The following SRGAP2 variants were observed in gnomAD, a reference collection of about 807,000 sequenced individuals.
SRGAP2 encodes SLIT-ROBO Rho GTPase-activating protein 2.
In SRGAP2, 15 loss-of-function variants were observed where a neutral mutation model predicts 57.2. The ratio of observed to expected loss-of-function variants is 0.26; its 90% CI spans 0.18 to 0.40. The LOEUF is 0.40. Among genes scored for constraint, SRGAP2 ranks in the 10% least tolerant of loss-of-function variants. The pLI, the probability that SRGAP2 is intolerant of heterozygous loss-of-function variation, is 1.00. For missense variants in SRGAP2, 520 were observed against 669.6 expected (o/e 0.78, Z 2.47); for synonymous variants, 249 against 248.0 (o/e 1.00, Z -0.04).
At chr1:206,253,419 T>A (rs1553311471) in intron 2 of SRGAP2, among the ~76,000 whole-genome samples, 1 of 151,486 alleles carries the variant, frequency 6.6e-6, no homozygotes, top group African/African-American at 2.4e-5. Flanking sequence ...CCTTCTGCCA[T>A]GGGATGATGC....
intron 14 of SRGAP2, among the ~76,000 whole-genome samples, chr1:206,435,582 C>G (rs1021192680): frequency 6.6e-6 from 1 of 152,142 alleles, no homozygotes; most frequent in Non-Finnish European, 1.5e-5. Context: ...TCAGACTGAC[C>G]AATGTGGTTC....
intron 2 of SRGAP2, among the ~76,000 whole-genome samples, chr1:206,265,607 G>A (rs1669796353): frequency 1.0e-5 from 1 of 95,826 alleles, no homozygotes; most frequent in Non-Finnish European, 2.1e-5. Flanking sequence ...CTTGGTGATA[G>A]GAATCACCAA....
chr1:206,362,918 A>G (rs1422226588), intron 4 of SRGAP2, among the ~76,000 whole-genome samples: 2 of 152,128 alleles, frequency 1.3e-5, no homozygotes, highest in South Asian at 2.1e-4. Flanking sequence ...CTGATATTGA[A>G]TACAGTGTCT....
intron 4 of SRGAP2, among the ~76,000 whole-genome samples, chr1:206,372,909 TTC>T (rs1364971024): frequency 3.4e-4 from 2 of 5,966 alleles, no homozygotes; most frequent in African/African-American, 5.1e-3. Context: ...CTTTCTTTCT[TTC>T]TTTCTTTCTT....
chr1:206,342,070 G>T (rs1414280210), intron 3 of SRGAP2, among the ~76,000 whole-genome samples: 4 of 152,108 alleles, frequency 2.6e-5, no homozygotes, highest in Admixed American at 2.6e-4. Context: ...TTTTAGGAAC[G>T]CATGTTCAGG....
At chr1:206,364,240 G>A (rs1177274407) in intron 4 of SRGAP2, among the ~76,000 whole-genome samples, 1 of 149,722 alleles carries the variant, frequency 6.7e-6, no homozygotes, top group Non-Finnish European at 1.5e-5. Context: ...CTGAAATGGG[G>A]GGAAATATCA....
chr1:206,430,112 G>A (rs372773573), intron 13 of SRGAP2, 50 bp from the exon 14 acceptor site: 14 of 779,830 alleles, frequency 1.8e-5, no homozygotes, highest in Admixed American at 8.5e-5. Context: ...CTGACCCTGG[G>A]CTATCCCTGT....
intron 5 of SRGAP2, among the ~76,000 whole-genome samples, chr1:206,389,951 T>C (rs1656767238): frequency 6.6e-6 from 1 of 151,680 alleles, no homozygotes; most frequent in South Asian, 2.1e-4. Flanking sequence ...GACATAGATA[T>C]ATAGATATAC....
chr1:206,414,366 A>T (rs558918496), intron 10 of SRGAP2, among the ~76,000 whole-genome samples: 1 of 151,978 alleles, frequency 6.6e-6, no homozygotes, highest in Non-Finnish European at 1.5e-5. Context: ...ATCACTCTTA[A>T]TCCTAAGTGG....
chr1:206,460,984 T>A lies in SRGAP2; in HGVS notation c.2833-53T>A, dbSNP rs115732582. 1,280 of 662,826 alleles carry A rather than the reference T, an allele frequency of 1.9e-3. 11 individuals carry two copies. The African/African-American group carries it at 0.02, about 10-fold the overall frequency. The allele number at this position is 662,826 out of a possible 1,614,324, so 41.1% of individuals were successfully genotyped here. Reference sequence around the variant, plus strand: ...GGCCTGTGTTGTTGAAACCGGCTCCTTGGGGAATTCTCCCCTCATTTGCCT... The same window carrying A: ...GGCCTGTGTTGTTGAAACCGGCTCCATGGGGAATTCTCCCCTCATTTGCCT... On this transcript the variant is annotated intron_variant, in intron 22 of 22. Transcript: ENST00000573034.
At chr1:206,425,495 AT>A (rs1467587423) in intron 13 of SRGAP2, among the ~76,000 whole-genome samples, 1 of 152,084 alleles carries the variant, frequency 6.6e-6, no homozygotes, top group African/African-American at 2.4e-5. Context: ...ATCTAACTGT[AT>A]TTTTATACCC....
At chr1:206,209,487 C>G (rs1458161214) in intron 2 of SRGAP2, among the ~76,000 whole-genome samples, 3 of 151,698 alleles carry the variant, frequency 2.0e-5, no homozygotes, top group Admixed American at 2.0e-4. Context: ...AACCCTACCC[C>G]AGAGTGGTTT....
chr1:206,332,638 G>A (rs373409053), intron 3 of SRGAP2, among the ~76,000 whole-genome samples: 3 of 142,622 alleles, frequency 2.1e-5, no homozygotes, highest in Admixed American at 6.7e-5. Flanking sequence ...CGTAGTTCTC[G>A]AGCCTTGGTT....
At chr1:206,459,177 C>A (rs971228277) in intron 22 of SRGAP2, among the ~76,000 whole-genome samples, 1 of 152,218 alleles carries the variant, frequency 6.6e-6, no homozygotes, top group Non-Finnish European at 1.5e-5. Flanking sequence ...AGCCTAGCTT[C>A]TTGCTCATAC....
At chr1:206,351,142 A>G (rs531931820) in intron 4 of SRGAP2, among the ~76,000 whole-genome samples, 2 of 152,338 alleles carry the variant, frequency 1.3e-5, no homozygotes, top group South Asian at 4.1e-4. Flanking sequence ...AGAAGAGTGG[A>G]TGATGAAACT....
At chr1:206,420,501 G>A (rs1660199416) in intron 12 of SRGAP2, among the ~76,000 whole-genome samples, 1 of 152,156 alleles carries the variant, frequency 6.6e-6, no homozygotes, top group Non-Finnish European at 1.5e-5. Flanking sequence ...TCTGAACTCT[G>A]GTTTCCTCTT....
chr1:206,216,797 TTTG>T (rs782469702), intron 2 of SRGAP2, among the ~76,000 whole-genome samples: 17 of 82,830 alleles, frequency 2.1e-4, no homozygotes, highest in Middle Eastern at 5.2e-3. Flanking sequence ...TCTTTGTTTT[TTTG>T]TTTGTTTGTT....
intron 2 of SRGAP2, among the ~76,000 whole-genome samples, chr1:206,209,369 A>G (rs544008791): frequency 6.9e-6 from 1 of 145,490 alleles, no homozygotes; most frequent in East Asian, 2.1e-4. Flanking sequence ...TCTAAATGGG[A>G]CCCTCATCTC....
chr1:206,359,798 CTTTTTTTTTTTTTT>C (rs1166916482), intron 4 of SRGAP2, among the ~76,000 whole-genome samples: 2 of 70,228 alleles, frequency 2.8e-5, no homozygotes, highest in East Asian at 9.7e-4. Context: ...GGATATTGCT[CTTTTTTTTTTTTTT>C]TTTTTTTTTT....
Sources: allele counts gnomAD v4.1 joint callset (sites outside exome capture counted in the v4.1 genomes callset), GRCh38; gene constraint gnomAD v4.1.1; transcripts MANE v1.5; gene names NCBI Gene and HGNC (gene_info 2026-07-23, HGNC 2026-07-21).